Variants in TXNRD1 observed in about 807,000 individuals in gnomAD.
TXNRD1 encodes thioredoxin reductase 1, cytoplasmic.
TXNRD1 carries 57 observed loss-of-function variants against 80.3 expected under a neutral mutation model. The ratio of observed to expected loss-of-function variants is 0.71; its 90% CI spans 0.57 to 0.89. The LOEUF is 0.89. TXNRD1 is among the 40% of genes least tolerant of loss of function. The pLI is 0.00. For synonymous variants in TXNRD1, 291 were observed against 285.2 expected (o/e 1.02, Z -0.20); for missense variants, 730 against 803.0 (o/e 0.91, Z 1.10).
chr12:104,280,710 A>G (rs2033858546), intron 3 of TXNRD1: 1 of 152,174 alleles, frequency 6.6e-6, no homozygotes, highest in Non-Finnish European at 1.5e-5. Flanking sequence ...TGAAGACCTT[A>G]GAGAAAAGAT....
Position 104,241,531 on chromosome 12 carries a change from C to T in TXNRD1, c.92-9996C>T, listed in dbSNP as rs192318408. Among the ~76,000 whole-genome samples, 385 of 151,678 alleles carry T rather than the reference C, an allele frequency of 2.5e-3. 4 individuals carry two copies. The highest frequency in any genetic ancestry group is 9.7e-4 in the East Asian group (5 of 5,130). On this transcript the variant is annotated intron_variant, in intron 1 of 16. Coordinates refer to ENST00000525566, the MANE Select transcript of TXNRD1 (RefSeq NM_001093771.3). ...GATTATAGGCATGTGCCACCACGAC[C>T]GGCTAATTTTGTATTTTTAGTAGAG...
rs760161625 is a variant in TXNRD1, at chr12:104,319,564, A to T, written c.968A>T (p.Asp323Val). Residue 323 changes from aspartate (D) to valine (V), a missense_variant, in exon 9 of 17, where the codon GAC (aspartate) becomes GTC (valine). By Grantham distance (152) the Asp-to-Val change is radical. Coordinates refer to ENST00000525566, the MANE Select transcript of TXNRD1 (RefSeq NM_001093771.3). Reference sequence around the variant, plus strand: ...CCACGTTACTTGGGCATCCCTGGTGACAAAGAATACTGCATCAGCAGGTAA... The same window carrying T: ...CCACGTTACTTGGGCATCCCTGGTGTCAAAGAATACTGCATCAGCAGGTAA... The part of the protein sequence containing the change: ...ERPRYLGIPG[D>V]KEYCISSDDL... 6.2e-7 allele frequency: 1 copy of T among 1,602,968 alleles called. No homozygotes were observed. Among genetic ancestry groups the T allele is most frequent in the South Asian group, 1.1e-5 (1 of 88,538 alleles).
At chr12:104,329,008 A>G (rs1451138091) in intron 13 of TXNRD1, among the ~76,000 whole-genome samples, 4 of 152,278 alleles carry the variant, frequency 2.6e-5, no homozygotes, top group Admixed American at 6.5e-5. Flanking sequence ...TGGTTACAGT[A>G]ATGGGAATCT....
rs2035517164 is a variant in TXNRD1 at position 104,321,202 on chromosome 12, T to C, written c.1101T>C (p.Thr367=). 2 of 1,613,840 alleles carry C rather than the reference T, an allele frequency of 1.2e-6. No homozygotes were observed. The change falls in exon 10 of 17, where the codon ACT becomes ACC. Residue 367 remains threonine (T), a synonymous_variant. Coordinates refer to ENST00000525566, the MANE Select transcript of TXNRD1 (RefSeq NM_001093771.3). The part of the protein sequence containing the change: ...GFLAGIGLDV[T]VMVRSILLRG... ...TTGCTGGTATTGGTTTAGACGTCAC[T>C]GTTATGGTTAGGTCCATTCTTCTTA... is the stretch of plus-strand genomic sequence containing the variant.
chr12:104,331,002 T>C (rs2035929376), intron 13 of TXNRD1, among the ~76,000 whole-genome samples: 1 of 152,080 alleles, frequency 6.6e-6, no homozygotes, highest in Admixed American at 6.5e-5. Context: ...TAGTATTGTA[T>C]ATTATAGTAA....
At chr12:104,269,655 C>T (rs1593732491) in intron 3 of TXNRD1, among the ~76,000 whole-genome samples, 1 of 152,054 alleles carries the variant, frequency 6.6e-6, no homozygotes, top group East Asian at 1.9e-4. Context: ...GTAACCTCTG[C>T]CTCCCAGGTT....
chr12:104,305,179 T>C (rs2034850375), intron 4 of TXNRD1: 3 of 349,474 alleles, frequency 8.6e-6, no homozygotes, highest in Non-Finnish European at 1.6e-5. Context: ...TTAAGACTAT[T>C]AATAAAAACA....
chr12:104,244,260 T>A (rs2032933243), intron 1 of TXNRD1, among the ~76,000 whole-genome samples: 1 of 152,142 alleles, frequency 6.6e-6, no homozygotes, highest in Non-Finnish European at 1.5e-5. Flanking sequence ...CACATATGAA[T>A]TGTATGAAGA....
intron 4 of TXNRD1, among the ~76,000 whole-genome samples, chr12:104,302,796 T>C (rs925736247): frequency 6.6e-6 from 1 of 152,164 alleles, no homozygotes; most frequent in African/African-American, 2.4e-5. Flanking sequence ...GCCATTCCCA[T>C]TGTTATGTAT....
At chr12:104,328,269 G>A (rs1306431241) in intron 13 of TXNRD1, among the ~76,000 whole-genome samples, 1 of 151,690 alleles carries the variant, frequency 6.6e-6, no homozygotes, top group African/African-American at 2.4e-5. Context: ...GTTGAATAGT[G>A]TACTTTATAT....
chr12:104,228,506 C>T (rs1395421672), intron 1 of TXNRD1, among the ~76,000 whole-genome samples: 7 of 151,888 alleles, frequency 4.6e-5, no homozygotes, highest in African/African-American at 1.5e-4. Flanking sequence ...TGGCACATGC[C>T]TGTAATCCCA....
chr12:104,345,545 A>G (rs1314895086), intron 16 of TXNRD1, among the ~76,000 whole-genome samples: 1 of 152,214 alleles, frequency 6.6e-6, no homozygotes, highest in Non-Finnish European at 1.5e-5. Context: ...CTGGGGCATT[A>G]GCAATGCATT....
chr12:104,331,831 T>C (rs1282465557), intron 14 of TXNRD1, among the ~76,000 whole-genome samples, 190 bp downstream of exon 14: 1 of 152,104 alleles, frequency 6.6e-6, no homozygotes. Context: ...TGTGTGTGTG[T>C]GTGTGTTTCT....
chr12:104,235,930 C>G (rs1271981740), intron 1 of TXNRD1, among the ~76,000 whole-genome samples: 2 of 152,182 alleles, frequency 1.3e-5, no homozygotes, highest in African/African-American at 4.8e-5. Context: ...GCCACAAAAT[C>G]AAGTAAACCA....
chr12:104,289,073 G>A, intron 4 of TXNRD1, 33 bp downstream of exon 4: 1 of 1,598,358 alleles, frequency 6.3e-7, no homozygotes, highest in Non-Finnish European at 8.6e-7. Flanking sequence ...TTTAAACGGG[G>A]GATGAGCTCG....
intron 4 of TXNRD1, among the ~76,000 whole-genome samples, chr12:104,294,652 G>A (rs1216572089): frequency 1.3e-5 from 2 of 152,212 alleles, no homozygotes; most frequent in East Asian, 3.9e-4. Flanking sequence ...TTGCCTCGGT[G>A]CCTGGGTGGC....
In TXNRD1 at chr12:104,215,816, AG is replaced by A; in HGVS notation, c.17del (p.Gly6AlafsTer58). 6.4e-7 allele frequency: 1 copy of A among 1,562,764 alleles called. No homozygotes were observed. Among genetic ancestry groups the A allele is most frequent in the Non-Finnish European group, 8.7e-7 (1 of 1,154,218 alleles). ...GCCTTGTGCGACATGGGCTGCGCCG[AG>A]GGCAAGGCAGTGGCGGCGGCCGCCC... MGCA[E>X]GKAVAAAAPT... On this transcript the variant is annotated frameshift_variant, in exon 1 of 17. Transcript: ENST00000525566. LOFTEE classifies it high-confidence loss of function.
At chr12:104,224,139 G>C (rs2032417391) in intron 1 of TXNRD1, among the ~76,000 whole-genome samples, 1 of 152,058 alleles carries the variant, frequency 6.6e-6, no homozygotes, top group Non-Finnish European at 1.5e-5. Flanking sequence ...GACCTTGCCA[G>C]ACTCCCTCAC....
chr12:104,337,953 ATT>A (rs761640158), intron 15 of TXNRD1, among the ~76,000 whole-genome samples: 29 of 116,806 alleles, frequency 2.5e-4, no homozygotes, highest in Middle Eastern at 5.9e-3. Flanking sequence ...TGCCCAGCTA[ATT>A]TTTTTTTTTT....
Sources: allele counts gnomAD v4.1 joint callset (sites outside exome capture counted in the v4.1 genomes callset), GRCh38; gene constraint gnomAD v4.1.1; transcripts MANE v1.5; gene names NCBI Gene and HGNC (gene_info 2026-07-23, HGNC 2026-07-21).